Variants in MEI4 observed in about 807,000 individuals in gnomAD.
The protein encoded by MEI4 is meiosis-specific protein MEI4.
MEI4 carries 27 observed loss-of-function variants against 31.4 expected under a neutral mutation model. The ratio of observed to expected loss-of-function variants is 0.86; its 90% CI spans 0.63 to 1.19. The LOEUF is 1.19. MEI4 is among the 50% of genes most tolerant of loss of function. The probability of loss-of-function intolerance (pLI) is 0.00; values close to 1 mark genes in which losing one functional copy is unlikely to be tolerated. For synonymous variants in MEI4, 122 were observed against 145.4 expected (o/e 0.84, Z 1.16); for missense variants, 329 against 398.9 (o/e 0.82, Z 1.49).
chr6:77,682,150 C>T (rs2504317), intron 1 of MEI4, among the ~76,000 whole-genome samples: 123,383 of 152,180 alleles, frequency 0.81, 50,267 homozygotes, highest in East Asian at 0.95. Context: ...CACCCCACAC[C>T]GGGATTTGAT....
At chr6:77,680,346 C>T (rs866964006) in intron 1 of MEI4, among the ~76,000 whole-genome samples, 1 of 151,766 alleles carries the variant, frequency 6.6e-6, no homozygotes, top group South Asian at 2.1e-4. Context: ...TAGTGGTACT[C>T]AGTGGGGTAG....
chr6:77,699,954 G>A (rs778902162), intron 2 of MEI4, among the ~76,000 whole-genome samples: 4 of 152,164 alleles, frequency 2.6e-5, no homozygotes, highest in South Asian at 2.1e-4. Flanking sequence ...CGCTCCTCTG[G>A]AAGTTTTGTC....
rs1491533194 is a variant in MEI4, at chr6:77,925,670, A to AAAGAG, written c.*2327_*2331dup. 6.6e-6 allele frequency: 1 copy of AAAGAG among 151,200 alleles called. No individual in the cohort carries two copies. The highest frequency in any genetic ancestry group is 2.4e-5 in the African/African-American group (1 of 41,306). 9.4% of individuals were successfully genotyped at this position (151,200 alleles called of 1,614,324 possible). A position where few individuals can be genotyped will look rare whatever the true frequency, so the allele number is the denominator to read the frequency against. The stretch of plus-strand genomic sequence containing the variant: ...CTGGATATAAGATAGGATAGGAAAT[A>AAAGAG]AAGAGAACCATAGAATGATCATAAA... On this transcript the variant is annotated 3_prime_UTR_variant, in exon 5 of 5. Transcript: ENST00000684080.
chr6:77,736,682 G>A (rs965887249), intron 2 of MEI4, among the ~76,000 whole-genome samples: 2 of 151,958 alleles, frequency 1.3e-5, no homozygotes, highest in African/African-American at 4.8e-5. Context: ...TATTTGTGAG[G>A]TACAAAACAA....
chr6:77,744,752 C>G (rs151067787), intron 2 of MEI4, among the ~76,000 whole-genome samples: 1 of 152,194 alleles, frequency 6.6e-6, no homozygotes, highest in Non-Finnish European at 1.5e-5. Context: ...GGAAGCCCAT[C>G]AGACTAACAG....
At chr6:77,768,640 C>T (rs1768233547) in intron 3 of MEI4, among the ~76,000 whole-genome samples, 1 of 150,302 alleles carries the variant, frequency 6.7e-6, no homozygotes, top group Non-Finnish European at 1.5e-5. Context: ...GCAGAGGTTG[C>T]AGTGAGCTGA....
Position 77,820,505 on chromosome 6 carries a change from A to G in MEI4, c.769-8426A>G, listed in dbSNP as rs747479624. 6.6e-6 allele frequency among the ~76,000 whole-genome samples: 1 copy of G among 152,286 alleles called. No homozygotes were observed. Among genetic ancestry groups the G allele is most frequent in the East Asian group, 1.9e-4 (1 of 5,180 alleles). On this transcript the variant is annotated intron_variant, in intron 3 of 4. Transcript: ENST00000684080. The surrounding 1 kb of genome is among the most constrained non-coding windows in gnomAD (Gnocchi z 4.5). Reference sequence around the variant, plus strand: ...GGTCTGGAACCCCTGACCTCAGGCAATTCGCCTGCCTAGGCCTCCCAAATT... The same window carrying G: ...GGTCTGGAACCCCTGACCTCAGGCAGTTCGCCTGCCTAGGCCTCCCAAATT...
At chr6:77,738,888 T>G (rs1561967209) in intron 2 of MEI4, among the ~76,000 whole-genome samples, 1 of 152,214 alleles carries the variant, frequency 6.6e-6, no homozygotes, top group East Asian at 1.9e-4. Flanking sequence ...ATAAATGTCT[T>G]CTTTTGAAAA....
At chr6:77,822,769 A>G (rs1376187735) in intron 3 of MEI4, among the ~76,000 whole-genome samples, 1 of 150,654 alleles carries the variant, frequency 6.6e-6, no homozygotes, top group African/African-American at 2.4e-5. Context: ...ACAGGCACCC[A>G]CCACCACTCC....
rs529449379 is a variant in MEI4, at chr6:77,914,273, A to T, written c.901-8816A>T. ...TTCAGTACTGCTTTTGCTATATCCC[A>T]TGTTTTGATATGTTGCGTATTGATT... On this transcript the variant is annotated intron_variant, in intron 4 of 4. Transcript: ENST00000684080. Among the ~76,000 whole-genome samples the T allele has an allele frequency of 4.0e-5, 6 of 151,728 alleles. No individual in the cohort carries two copies. In the East Asian group the frequency reaches 7.8e-4, roughly 20 times the overall value.
intron 2 of MEI4, among the ~76,000 whole-genome samples, chr6:77,739,009 A>G (rs1767326576): frequency 1.3e-5 from 2 of 152,152 alleles, no homozygotes; most frequent in African/African-American, 4.8e-5. Context: ...GTAGATTGCA[A>G]AAATTTTCTC....
chr6:77,715,476 G>A (rs900546729), intron 2 of MEI4, among the ~76,000 whole-genome samples: 2 of 152,276 alleles, frequency 1.3e-5, no homozygotes, highest in Non-Finnish European at 1.5e-5. Flanking sequence ...TGGTGCCAAA[G>A]TAATTATAGT....
intron 2 of MEI4, among the ~76,000 whole-genome samples, chr6:77,728,588 A>G (rs936489796): frequency 6.6e-6 from 1 of 152,244 alleles, no homozygotes; most frequent in South Asian, 2.1e-4. Flanking sequence ...GAACAAAATA[A>G]GCCAGATTGA....
intron 2 of MEI4, among the ~76,000 whole-genome samples, chr6:77,756,042 T>C (rs2127680273): frequency 6.6e-6 from 1 of 152,262 alleles, no homozygotes; most frequent in East Asian, 1.9e-4. Flanking sequence ...TTATCTTTTC[T>C]CTCCTTTGGG....
At chr6:77,811,105 T>C (rs1445891880) in intron 3 of MEI4, among the ~76,000 whole-genome samples, 2 of 152,216 alleles carry the variant, frequency 1.3e-5, no homozygotes. Flanking sequence ...TGTTTGTAGA[T>C]GATCTCCAGT....
chr6:77,800,745 A>G (rs915551214), intron 3 of MEI4, among the ~76,000 whole-genome samples: 3 of 152,130 alleles, frequency 2.0e-5, no homozygotes, highest in Admixed American at 6.6e-5. Context: ...ATCTATTGAG[A>G]TAATCATGTG....
chr6:77,805,592 A>G (rs889956447), intron 3 of MEI4, among the ~76,000 whole-genome samples: 1 of 152,158 alleles, frequency 6.6e-6, no homozygotes, highest in Non-Finnish European at 1.5e-5. Context: ...AAATAATGAC[A>G]GTATAATCAG....
chr6:77,705,040 A>G (rs1023660148), intron 2 of MEI4, among the ~76,000 whole-genome samples: 4 of 152,154 alleles, frequency 2.6e-5, no homozygotes, highest in Admixed American at 6.5e-5. Context: ...AACAATAAAA[A>G]TAATAGTGCT....
chr6:77,736,337 G>T (rs1386282045), intron 2 of MEI4, among the ~76,000 whole-genome samples: 1 of 152,044 alleles, frequency 6.6e-6, no homozygotes, highest in Non-Finnish European at 1.5e-5. Context: ...TAATCTCCTG[G>T]TGCGCCGTTT....
Sources: gnomAD v4.1 joint callset for allele counts (sites outside exome capture counted in the v4.1 genomes callset) on GRCh38, gnomAD v4.1.1 for gene constraint, Gnocchi (gnomAD v3.1) non-coding constraint, MANE v1.5 for transcripts, NCBI Gene and HGNC (gene_info 2026-07-23, HGNC 2026-07-21) for gene names.